The following MARCHF1 variants were observed in gnomAD, a reference collection of about 807,000 sequenced individuals.
MARCHF1 encodes the protein E3 ubiquitin-protein ligase MARCHF1.
Under a neutral mutation model 54.2 loss-of-function variants are expected in MARCHF1, and 40 were observed. That is an observed-to-expected ratio of 0.74 (90% CI 0.57 to 0.96). MARCHF1 has a LOEUF of 0.96. MARCHF1 is among the 40% of genes least tolerant of loss of function. The pLI, the probability that MARCHF1 is intolerant of heterozygous loss-of-function variation, is 0.00. For synonymous variants in MARCHF1, 236 were observed against 236.3 expected, an observed-to-expected ratio of 1.00 and a Z score of 0.01; for missense variants, 586 against 656.5, an observed-to-expected ratio of 0.89 and a Z score of 1.17.
intron 4 of MARCHF1, among the ~76,000 whole-genome samples, chr4:163,753,200 G>A (rs1314740519): frequency 6.6e-6 from 1 of 152,020 alleles, no homozygotes; most frequent in East Asian, 1.9e-4. Flanking sequence ...TTCAAATTTA[G>A]CATTTTAGTT....
At chr4:163,874,518 C>T (rs1750248408) in intron 3 of MARCHF1, among the ~76,000 whole-genome samples, 3 of 151,822 alleles carry the variant, frequency 2.0e-5, no homozygotes, top group South Asian at 4.2e-4. Context: ...TTTTTAAAGT[C>T]TACTTAGATA....
chr4:163,656,535 C>T (rs1319379308), intron 5 of MARCHF1, among the ~76,000 whole-genome samples: 1 of 151,862 alleles, frequency 6.6e-6, no homozygotes, highest in Non-Finnish European at 1.5e-5. Flanking sequence ...AAAGGAGCGA[C>T]TCCTCCTTAA....
intron 4 of MARCHF1, among the ~76,000 whole-genome samples, chr4:163,836,851 C>T (rs1017583923): frequency 7.3e-5 from 11 of 151,290 alleles, no homozygotes; most frequent in Non-Finnish European, 1.6e-4. Flanking sequence ...GCCCATTAGC[C>T]CCCTGGAAGC....
intron 8 of MARCHF1, among the ~76,000 whole-genome samples, chr4:163,564,792 G>T (rs545484910): frequency 1.4e-4 from 22 of 152,240 alleles, no homozygotes; most frequent in Non-Finnish European, 2.8e-4. Flanking sequence ...CAGCAGAAAA[G>T]AGTCAGATGT....
intron 4 of MARCHF1, among the ~76,000 whole-genome samples, chr4:163,744,202 C>A (rs1399638008): frequency 6.6e-6 from 1 of 152,138 alleles, no homozygotes; most frequent in Non-Finnish European, 1.5e-5. Context: ...TTCCAAGGAC[C>A]CACTGGTTGA....
At chr4:163,676,819 A>C (rs1743935225) in intron 5 of MARCHF1, among the ~76,000 whole-genome samples, 1 of 152,144 alleles carries the variant, frequency 6.6e-6, no homozygotes, top group Non-Finnish European at 1.5e-5. Flanking sequence ...TAAAAGACAA[A>C]AAGCAAGAGA....
chr4:164,244,023 C>G (rs961251104), intron 1 of MARCHF1, among the ~76,000 whole-genome samples: 5 of 152,124 alleles, frequency 3.3e-5, no homozygotes, highest in African/African-American at 1.2e-4. Flanking sequence ...CTTTAACACC[C>G]CACTGTCAAC....
chr4:163,808,692 C>G (rs571070947), intron 4 of MARCHF1, among the ~76,000 whole-genome samples: 5 of 152,210 alleles, frequency 3.3e-5, no homozygotes, highest in African/African-American at 1.2e-4. Context: ...CCTCAGCCTC[C>G]CAAGTAGCTG....
intron 1 of MARCHF1, among the ~76,000 whole-genome samples, chr4:164,214,923 A>G (rs1298041746): frequency 3.3e-5 from 5 of 152,028 alleles, no homozygotes; most frequent in Non-Finnish European, 7.4e-5. Flanking sequence ...TCGCTTCCTC[A>G]GTGCCCCCGC....
chr4:163,649,730 T>C (rs547776836), intron 5 of MARCHF1, among the ~76,000 whole-genome samples: 1 of 151,462 alleles, frequency 6.6e-6, no homozygotes, highest in African/African-American at 2.4e-5. Flanking sequence ...CCTTCCATGA[T>C]ACCCTGTGGA....
At chr4:163,844,887 G>A (rs760650584) in intron 4 of MARCHF1, among the ~76,000 whole-genome samples, 19 of 152,156 alleles carry the variant, frequency 1.2e-4, no homozygotes, top group Non-Finnish European at 2.6e-4. Context: ...AATCAGCAGA[G>A]TAATTGTGCC....
At position 164,022,587 on chromosome 4, in the gene MARCHF1, A is replaced by T. The variant is rs142984776; in HGVS notation, c.-247-33878T>A. ...AAAGGTCACCCTGTATCTACCACAG[A>T]CATTTGAACTGGCAAAAAGATCTTC... On this transcript the variant is annotated intron_variant, in intron 2 of 9. Transcript: ENST00000514618. Among the ~76,000 whole-genome samples, 24 of 152,366 alleles carry T rather than the reference A, an allele frequency of 1.6e-4. No individual in the cohort carries two copies. In the East Asian group the frequency reaches 4.6e-3, roughly 29 times the overall value.
intron 4 of MARCHF1, among the ~76,000 whole-genome samples, chr4:163,845,884 T>C (rs1749471118): frequency 6.6e-6 from 1 of 152,212 alleles, no homozygotes; most frequent in Non-Finnish European, 1.5e-5. Flanking sequence ...TTTTTCCTCA[T>C]GGTGTGAAGT....
At chr4:163,663,473 T>C (rs1349404606) in intron 5 of MARCHF1, among the ~76,000 whole-genome samples, 3 of 152,102 alleles carry the variant, frequency 2.0e-5, no homozygotes, top group Non-Finnish European at 4.4e-5. Flanking sequence ...AGGACATTTG[T>C]TATATTTTTA....
At chr4:163,575,280 A>G (rs534387063) in intron 8 of MARCHF1, among the ~76,000 whole-genome samples, 1 of 152,060 alleles carries the variant, frequency 6.6e-6, no homozygotes, top group South Asian at 2.1e-4. Context: ...AGCTTCCTTC[A>G]TTGAAAGCTT....
chr4:164,364,797 T>G (rs1315230616), intron 1 of MARCHF1, among the ~76,000 whole-genome samples: 3 of 151,970 alleles, frequency 2.0e-5, no homozygotes, highest in Non-Finnish European at 2.9e-5. Flanking sequence ...TTTCACATAT[T>G]TCCCTCACCA....
rs144451479 is a variant in MARCHF1 at position 163,578,789 on chromosome 4, C to T, written c.1191+6960G>A. Among the ~76,000 whole-genome samples, 36 of 152,232 alleles carry T rather than the reference C, an allele frequency of 2.4e-4. 1 individual carries two copies. The East Asian group carries it at 6.9e-3, about 29-fold the overall frequency. On this transcript the variant is annotated intron_variant, in intron 8 of 9. Coordinates refer to ENST00000514618, the MANE Select transcript of MARCHF1 (RefSeq NM_001394959.1). ...TCTTGTTCCATCCTTCTGCAGTAGACTATATGCTCCCCAAGGGTAGGGTTT... is the reference window on the plus strand; with the variant it reads ...TCTTGTTCCATCCTTCTGCAGTAGATTATATGCTCCCCAAGGGTAGGGTTT...
At chr4:163,733,006 G>T (rs1745891176) in intron 4 of MARCHF1, among the ~76,000 whole-genome samples, 1 of 150,364 alleles carries the variant, frequency 6.7e-6, no homozygotes, top group African/African-American at 2.4e-5. Context: ...ATAAAAATTA[G>T]CCAGGCATGG....
chr4:164,280,618 A>C (rs1734003793), intron 1 of MARCHF1, among the ~76,000 whole-genome samples: 1 of 152,142 alleles, frequency 6.6e-6, no homozygotes, highest in South Asian at 2.1e-4. Context: ...CCACATGTCA[A>C]CTAAACCCAG....
Sources: gnomAD v4.1 joint callset for allele counts (sites outside exome capture counted in the v4.1 genomes callset) on GRCh38, gnomAD v4.1.1 for gene constraint, MANE v1.5 for transcripts, NCBI Gene and HGNC (gene_info 2026-07-23, HGNC 2026-07-21) for gene names.